Variants in CCDC178 observed in about 807,000 individuals in gnomAD.
CCDC178 encodes coiled-coil domain containing 178.
A neutral mutation model predicts 117.4 loss-of-function variants in CCDC178; 126 were observed. The ratio of observed to expected loss-of-function variants is 1.07; its 90% CI spans 0.93 to 1.24. The LOEUF (loss-of-function observed/expected upper bound fraction) is 1.24, where lower values mean the gene tolerates loss of function less well. Ranked by LOEUF, CCDC178 falls within the 50% of genes most tolerant of loss-of-function variation. The pLI is 0.00. For synonymous variants in CCDC178, 283 were observed against 313.4 expected (o/e 0.90, Z 1.02); for missense variants, 1,030 against 986.9 (o/e 1.04, Z -0.59).
At chr18:33,355,922 A>G (rs1209680605) in intron 7 of CCDC178, among the ~76,000 whole-genome samples, 1 of 152,182 alleles carries the variant, frequency 6.6e-6, no homozygotes, top group Non-Finnish European at 1.5e-5. Context: ...TGCTCTCTTC[A>G]TAGCTGCCAC....
chr18:32,964,532 CT>C (rs1242005686), intron 22 of CCDC178, among the ~76,000 whole-genome samples: 1 of 151,916 alleles, frequency 6.6e-6, no homozygotes, highest in Non-Finnish European at 1.5e-5. Context: ...TCAGAGTCGT[CT>C]TAACACAGTA....
chr18:33,279,603 T>C (rs935899207), intron 12 of CCDC178, among the ~76,000 whole-genome samples: 1 of 152,150 alleles, frequency 6.6e-6, no homozygotes, highest in African/African-American at 2.4e-5. Context: ...AAAAAACTAC[T>C]TTCAAGTTCA....
intron 21 of CCDC178, among the ~76,000 whole-genome samples, chr18:33,027,443 A>G (rs2144848434): frequency 6.6e-6 from 1 of 151,820 alleles, no homozygotes; most frequent in East Asian, 1.9e-4. Flanking sequence ...CAATTAGAAG[A>G]GTAAAAATAG....
intron 5 of CCDC178, among the ~76,000 whole-genome samples, chr18:33,375,085 TG>T (rs2063346432): frequency 1.3e-5 from 2 of 152,164 alleles, no homozygotes; most frequent in South Asian, 4.1e-4. Context: ...ACACTGTAAA[TG>T]AGTGGATTGT....
chr18:33,121,850 A>G (rs2057941202), intron 20 of CCDC178, among the ~76,000 whole-genome samples: 2 of 152,194 alleles, frequency 1.3e-5, no homozygotes, highest in African/African-American at 4.8e-5. Context: ...TGGGTAGGTC[A>G]GTAGTCTCTT....
intron 21 of CCDC178, among the ~76,000 whole-genome samples, chr18:32,988,475 T>G (rs1217027124): frequency 6.6e-6 from 1 of 152,142 alleles, no homozygotes; most frequent in Non-Finnish European, 1.5e-5. Flanking sequence ...TCTTTAATAC[T>G]GATTGCTAAA....
chr18:33,033,466 T>C (rs903296195), intron 21 of CCDC178, among the ~76,000 whole-genome samples: 1 of 152,076 alleles, frequency 6.6e-6, no homozygotes, highest in Non-Finnish European at 1.5e-5. Flanking sequence ...AAGGGGTGAC[T>C]CTACCTATGC....
chr18:33,055,341 T>C, intron 21 of CCDC178, among the ~76,000 whole-genome samples: 1 of 152,128 alleles, frequency 6.6e-6, no homozygotes, highest in East Asian at 1.9e-4. Context: ...TCCTATTCTT[T>C]TTCTTTTTTT....
intron 21 of CCDC178, among the ~76,000 whole-genome samples, chr18:33,011,345 T>C (rs185300382): frequency 4.6e-5 from 7 of 152,232 alleles, no homozygotes. Flanking sequence ...TTTTCTGCAA[T>C]AACTAAAGCA....
rs2058486387 is a variant in CCDC178 at position 33,163,033 on chromosome 18, A to ATTTACACT, written c.2238+48855_2238+48862dup. On this transcript the variant is annotated intron_variant, in intron 20 of 22. Transcript: ENST00000383096. ...ATACTGCTTTCCACAGGCTGAACTA[A>ATTTACACT]TTTACACTCCCACCAGCGGTGTATA... Among the ~76,000 whole-genome samples, 3 of 152,070 alleles carry ATTTACACT rather than the reference A, an allele frequency of 2.0e-5. No homozygotes were observed. In the South Asian group the frequency reaches 6.2e-4, roughly 31 times the overall value.
At chr18:33,266,373 G>A (rs1040992977) in intron 14 of CCDC178, among the ~76,000 whole-genome samples, 4 of 151,804 alleles carry the variant, frequency 2.6e-5, no homozygotes, top group Non-Finnish European at 5.9e-5. Context: ...GGTACAATCT[G>A]TGGTTTCAGA....
intron 21 of CCDC178, among the ~76,000 whole-genome samples, chr18:33,035,056 G>C (rs906137638): frequency 6.6e-6 from 1 of 151,946 alleles, no homozygotes; most frequent in East Asian, 1.9e-4. Flanking sequence ...AGCTGTTTGG[G>C]AGTGTATGAG....
chr18:33,194,668 C>T (rs1386628734), intron 20 of CCDC178, among the ~76,000 whole-genome samples: 3 of 152,022 alleles, frequency 2.0e-5, no homozygotes, highest in Non-Finnish European at 4.4e-5. Context: ...TCTTTACATA[C>T]TTATCTAGTC....
intron 20 of CCDC178, among the ~76,000 whole-genome samples, chr18:33,096,259 T>C (rs1313661397): frequency 6.7e-6 from 1 of 149,414 alleles, no homozygotes; most frequent in African/African-American, 2.5e-5. Flanking sequence ...ATCAGAAAAC[T>C]GGTTCTTTTT....
chr18:33,283,228 G>A (rs535575276), intron 12 of CCDC178, among the ~76,000 whole-genome samples: 57 of 152,014 alleles, frequency 3.7e-4, no homozygotes, highest in Non-Finnish European at 1.5e-5. Flanking sequence ...CTGAACACTG[G>A]CCCCCTCAAA....
At chr18:33,192,381 A>G (rs1037631558) in intron 20 of CCDC178, among the ~76,000 whole-genome samples, 1 of 152,224 alleles carries the variant, frequency 6.6e-6, no homozygotes, top group Non-Finnish European at 1.5e-5. Flanking sequence ...GAATTTTCTC[A>G]GCACTTAAAG....
At chr18:33,037,785 C>T (rs1249664451) in intron 21 of CCDC178, among the ~76,000 whole-genome samples, 2 of 151,898 alleles carry the variant, frequency 1.3e-5, no homozygotes, top group Non-Finnish European at 2.9e-5. Context: ...CTAGCTCATT[C>T]ATAAAACTAT....
chr18:33,378,732 T>C (rs1305716687), intron 5 of CCDC178, among the ~76,000 whole-genome samples: 3 of 152,182 alleles, frequency 2.0e-5, no homozygotes, highest in Non-Finnish European at 4.4e-5. Context: ...ATGTGGTGAA[T>C]TACTTTATTG....
chr18:33,133,250 A>G (rs1271406234), intron 20 of CCDC178, among the ~76,000 whole-genome samples: 1 of 151,852 alleles, frequency 6.6e-6, no homozygotes, highest in Non-Finnish European at 1.5e-5. Context: ...ATTTGGCAAA[A>G]TGACTTTGTA....
Sources: gnomAD v4.1 joint callset for allele counts (sites outside exome capture counted in the v4.1 genomes callset) on GRCh38, gnomAD v4.1.1 for gene constraint, MANE v1.5 for transcripts, NCBI Gene and HGNC (gene_info 2026-07-23, HGNC 2026-07-21) for gene names.